GPM6A: variants seen among roughly 807,000 people sequenced by gnomAD.
GPM6A encodes neuronal membrane glycoprotein M6-a.
In GPM6A, 7 loss-of-function variants were observed where a neutral mutation model predicts 32.1. The ratio of observed to expected loss-of-function variants is 0.22; its 90% confidence interval spans 0.12 to 0.41. The LOEUF (loss-of-function observed/expected upper bound fraction) is 0.41, where lower values mean the gene tolerates loss of function less well. GPM6A is among the 10% of genes least tolerant of loss of function. The pLI, the probability that GPM6A is intolerant of heterozygous loss-of-function variation, is 1.00. For missense variants in GPM6A, 235 were observed against 347.2 expected, an observed-to-expected ratio of 0.68 and a Z score of 2.57; for synonymous variants, 130 against 123.4, an observed-to-expected ratio of 1.05 and a Z score of -0.35.
intron 1 of GPM6A, among the ~76,000 whole-genome samples, chr4:175,979,652 A>G (rs1013670726): frequency 1.3e-5 from 2 of 152,184 alleles, no homozygotes; most frequent in African/African-American, 4.8e-5. Flanking sequence ...TGAGTTTCTG[A>G]GATCAGGCTT....
At chr4:175,718,139 T>C (rs1212681649) in intron 1 of GPM6A, among the ~76,000 whole-genome samples, 1 of 152,218 alleles carries the variant, frequency 6.6e-6, no homozygotes, top group Non-Finnish European at 1.5e-5. Flanking sequence ...TTTTATAAAA[T>C]TAGTGTTTAT....
intron 1 of GPM6A, among the ~76,000 whole-genome samples, chr4:175,859,221 T>C (rs765243745): frequency 6.6e-6 from 1 of 152,170 alleles, no homozygotes; most frequent in Non-Finnish European, 1.5e-5. Flanking sequence ...TTAATATGTG[T>C]AGTTGTTGTA....
chr4:175,836,796 T>G (rs1490845704), intron 1 of GPM6A, among the ~76,000 whole-genome samples: 1 of 152,156 alleles, frequency 6.6e-6, no homozygotes, highest in Non-Finnish European at 1.5e-5. Context: ...CACAGAATTT[T>G]GGCTTTTATG....
chr4:175,829,858 A>C (rs1343331344), intron 1 of GPM6A, among the ~76,000 whole-genome samples: 1 of 151,778 alleles, frequency 6.6e-6, no homozygotes, highest in Non-Finnish European at 1.5e-5. Flanking sequence ...TTACTAGAAA[A>C]CCTAATGCAA....
intron 6 of GPM6A, among the ~76,000 whole-genome samples, chr4:175,637,810 A>C (rs1180364224): frequency 7.1e-5 from 8 of 113,472 alleles, no homozygotes; most frequent in Non-Finnish European, 1.2e-4. Flanking sequence ...TATATAATCT[A>C]TTTATATATT....
chr4:175,995,774 G>A (rs1741289570), intron 1 of GPM6A, among the ~76,000 whole-genome samples: 1 of 152,162 alleles, frequency 6.6e-6, no homozygotes, highest in Non-Finnish European at 1.5e-5. Flanking sequence ...TGTTATTACT[G>A]TATATTATTT....
At chr4:175,855,627 T>C (rs930961391) in intron 1 of GPM6A, among the ~76,000 whole-genome samples, 3 of 152,232 alleles carry the variant, frequency 2.0e-5, no homozygotes, top group Non-Finnish European at 4.4e-5. Flanking sequence ...ACTAGATTAA[T>C]GTACTGGAAT....
intron 1 of GPM6A, among the ~76,000 whole-genome samples, chr4:175,744,983 T>A (rs1469385079): frequency 6.6e-6 from 1 of 152,142 alleles, no homozygotes; most frequent in Non-Finnish European, 1.5e-5. Context: ...ATTTGCCAGG[T>A]GCTCAATTCA....
intron 1 of GPM6A, among the ~76,000 whole-genome samples, chr4:175,840,100 G>A (rs768272686): frequency 2.0e-5 from 3 of 152,130 alleles, no homozygotes; most frequent in Non-Finnish European, 4.4e-5. Flanking sequence ...TAGCTTTATT[G>A]ATAGACATTA....
intron 1 of GPM6A, among the ~76,000 whole-genome samples, chr4:175,923,324 A>G (rs561219778): frequency 6.7e-6 from 1 of 148,728 alleles, no homozygotes; most frequent in East Asian, 2.0e-4. Flanking sequence ...AAAGGTAGAG[A>G]GCCATGGGAA....
chr4:175,943,470 G>A (rs1162951298), intron 1 of GPM6A, among the ~76,000 whole-genome samples: 1 of 152,136 alleles, frequency 6.6e-6, no homozygotes, highest in Admixed American at 6.6e-5. Flanking sequence ...TTTTCAAAGG[G>A]AATGCTTCCA....
intron 2 of GPM6A, among the ~76,000 whole-genome samples, chr4:175,683,712 G>T (rs934659347): frequency 3.3e-5 from 5 of 152,040 alleles, no homozygotes; most frequent in African/African-American, 1.2e-4. Context: ...CATGTGAGGT[G>T]CCTGCTCCCT....
chr4:175,661,882 G>A (rs559427341), intron 3 of GPM6A, among the ~76,000 whole-genome samples: 3 of 151,874 alleles, frequency 2.0e-5, no homozygotes, highest in African/African-American at 2.4e-5. Flanking sequence ...TATCATATAC[G>A]TGTGTCAATC....
chr4:175,967,911 A>G (rs35892945), intron 1 of GPM6A, among the ~76,000 whole-genome samples: 1,756 of 152,316 alleles, frequency 0.012, 19 homozygotes, highest in Middle Eastern at 0.034. Flanking sequence ...TTATCAATAA[A>G]TTGATTCTAA....
chr4:175,643,171 C>A (rs923868733), intron 4 of GPM6A, among the ~76,000 whole-genome samples: 1 of 152,180 alleles, frequency 6.6e-6, no homozygotes, highest in Non-Finnish European at 1.5e-5. Flanking sequence ...TTAATACAAT[C>A]ATTTGCTAAC....
chr4:175,734,160 A>T (rs2581748), intron 1 of GPM6A, among the ~76,000 whole-genome samples: 48,268 of 122,448 alleles, frequency 0.39, 8,834 homozygotes, highest in East Asian at 0.9. Flanking sequence ...ATATATATAT[A>T]TTTTTTAATT....
chr4:175,961,395 C>T (rs1480564194), intron 1 of GPM6A: 3 of 152,104 alleles, frequency 2.0e-5, no homozygotes, highest in Non-Finnish European at 4.4e-5. Flanking sequence ...CTTCTTAGGT[C>T]CATGAGAGAA....
chr4:175,965,513 A>T (rs1740305690), intron 1 of GPM6A, among the ~76,000 whole-genome samples: 1 of 152,186 alleles, frequency 6.6e-6, no homozygotes, highest in East Asian at 1.9e-4. Flanking sequence ...GGTTCTTTCA[A>T]AAGATCAATA....
intron 1 of GPM6A, among the ~76,000 whole-genome samples, chr4:175,992,699 G>A (rs973246617): frequency 1.3e-5 from 2 of 152,056 alleles, no homozygotes; most frequent in African/African-American, 2.4e-5. Context: ...TTGAATATAG[G>A]TCATGTATTT....
Sources: allele counts gnomAD v4.1 joint callset (sites outside exome capture counted in the v4.1 genomes callset), GRCh38; gene constraint gnomAD v4.1.1; transcripts MANE v1.5; gene names NCBI Gene and HGNC (gene_info 2026-07-23, HGNC 2026-07-21).